The following SLIT2 variants were observed in gnomAD, a reference collection of about 807,000 sequenced individuals.
SLIT2 encodes the protein slit homolog 2 protein.
A neutral mutation model predicts 185.7 loss-of-function variants in SLIT2; 41 were observed. The ratio of observed to expected loss-of-function variants is 0.22; its 90% CI spans 0.17 to 0.29. The LOEUF is 0.29. SLIT2 is among the 10% of genes least tolerant of loss of function. The probability of loss-of-function intolerance (pLI) is 1.00; values close to 1 mark genes in which losing one functional copy is unlikely to be tolerated. For synonymous variants in SLIT2, 693 were observed against 680.2 expected, an observed-to-expected ratio of 1.02 and a Z score of -0.29; for missense variants, 1,571 against 1,909.0, an observed-to-expected ratio of 0.82 and a Z score of 3.30.
intron 4 of SLIT2, among the ~76,000 whole-genome samples, chr4:20,420,804 C>G (rs958011806): frequency 3.3e-5 from 5 of 152,010 alleles, no homozygotes; most frequent in African/African-American, 1.2e-4. Context: ...GCCAGGGGCT[C>G]TCATGATGGG....
At chr4:20,444,279 A>C (rs966371258) in intron 4 of SLIT2, among the ~76,000 whole-genome samples, 1 of 152,194 alleles carries the variant, frequency 6.6e-6, no homozygotes, top group African/African-American at 2.4e-5. Context: ...GGATAAAAAT[A>C]GGCTCATTTA....
At chr4:20,372,567 C>T (rs1444060135) in intron 4 of SLIT2, among the ~76,000 whole-genome samples, 2 of 151,910 alleles carry the variant, frequency 1.3e-5, no homozygotes, top group African/African-American at 4.8e-5. Context: ...TAACTGTGTT[C>T]TATAGCATGG....
At chr4:20,364,260 C>T (rs1284652415) in intron 4 of SLIT2, 1 of 984,916 alleles carries the variant, frequency 1.0e-6, no homozygotes, top group Non-Finnish European at 1.2e-6. Flanking sequence ...CTTTCTGCAT[C>T]CTTTCTGCCT....
intron 5 of SLIT2, among the ~76,000 whole-genome samples, chr4:20,468,965 T>C (rs769334780): frequency 3.3e-5 from 5 of 152,138 alleles, no homozygotes; most frequent in Non-Finnish European, 7.4e-5. Context: ...TGTAAATGAT[T>C]TTTTGAACTT....
chr4:20,317,692 C>A (rs1466107893), intron 4 of SLIT2, among the ~76,000 whole-genome samples: 3 of 151,992 alleles, frequency 2.0e-5, no homozygotes, highest in Non-Finnish European at 4.4e-5. Flanking sequence ...TTGTTCCTGT[C>A]AGTAACTGGT....
chr4:20,332,596 T>C (rs1239973796), intron 4 of SLIT2, among the ~76,000 whole-genome samples: 2 of 152,062 alleles, frequency 1.3e-5, no homozygotes, highest in Non-Finnish European at 2.9e-5. Context: ...GCGGGAGAAT[T>C]GCTTGAAACC....
chr4:20,603,048 C>T (rs1429935043), intron 33 of SLIT2, among the ~76,000 whole-genome samples: 1 of 152,132 alleles, frequency 6.6e-6, no homozygotes. Flanking sequence ...CCTGTTTTCA[C>T]ACTGCTGATA....
rs1266002557 is a variant in SLIT2, at chr4:20,617,516, T to C, written c.4214T>C (p.Leu1405Pro). The change falls in exon 36 of 37, where the codon CTC (leucine) becomes CCC (proline). Residue 1405 changes from leucine to proline, a missense_variant. Physicochemically the swap from Leu to Pro is moderately conservative, Grantham distance 98. This residue lies in a region of SLIT2 where 223 missense variants were observed against 245.2 expected (regional missense o/e 0.91). Transcript: ENST00000504154. Reference protein sequence around the residue: ...CKCLEGHGGVLCDEEEDLFNP... With the variant: ...CKCLEGHGGVPCDEEEDLFNP... ...TGCTTGGAGGGCCATGGAGGTGTCC[T>C]CTGTGATGAAGAGGAGGATCTGTTT... 1 of 1,614,090 alleles carries C rather than the reference T, an allele frequency of 6.2e-7. No homozygotes were observed. The highest frequency in any genetic ancestry group is 8.5e-7 in the Non-Finnish European group (1 of 1,180,002).
chr4:20,447,552 A>C (rs1711952677), intron 4 of SLIT2, among the ~76,000 whole-genome samples: 1 of 152,216 alleles, frequency 6.6e-6, no homozygotes, highest in South Asian at 2.1e-4. Context: ...TGAAGTTAAA[A>C]AGTAAGAAGT....
chr4:20,347,649 T>A (rs2109253089), intron 4 of SLIT2, among the ~76,000 whole-genome samples: 1 of 152,364 alleles, frequency 6.6e-6, no homozygotes, highest in South Asian at 2.1e-4. Flanking sequence ...TCCATCAGGC[T>A]TAGCTAAAAG....
chr4:20,538,780 TAAAA>T (rs35129347), intron 18 of SLIT2, among the ~76,000 whole-genome samples: 1 of 121,120 alleles, frequency 8.3e-6, no homozygotes, highest in Admixed American at 8.6e-5. Context: ...TGACAATGAC[TAAAA>T]AAAAAAAAAA....
intron 15 of SLIT2, among the ~76,000 whole-genome samples, chr4:20,527,881 C>T (rs1028715781): frequency 6.6e-6 from 1 of 152,048 alleles, no homozygotes; most frequent in Admixed American, 6.6e-5. Context: ...GTAAAAGTGT[C>T]TGATCTGAAA....
At chr4:20,289,028 C>T (rs1397012832) in intron 4 of SLIT2, among the ~76,000 whole-genome samples, 5 of 151,312 alleles carry the variant, frequency 3.3e-5, no homozygotes, top group Admixed American at 1.3e-4. Flanking sequence ...AGATACGTCT[C>T]TAGACTTTTG....
At chr4:20,580,212 C>T (rs1446458140) in intron 29 of SLIT2, among the ~76,000 whole-genome samples, 1 of 151,096 alleles carries the variant, frequency 6.6e-6, no homozygotes, top group Non-Finnish European at 1.5e-5. Flanking sequence ...AGATGCGCAC[C>T]ACCATACCCA....
intron 4 of SLIT2, among the ~76,000 whole-genome samples, chr4:20,386,567 A>G (rs1724953141): frequency 6.6e-6 from 1 of 152,200 alleles, no homozygotes; most frequent in South Asian, 2.1e-4. Context: ...ACCAATGTGC[A>G]AGCCTCACTT....
intron 4 of SLIT2, among the ~76,000 whole-genome samples, chr4:20,357,520 G>A (rs1722421293): frequency 6.6e-6 from 1 of 152,070 alleles, no homozygotes; most frequent in African/African-American, 2.4e-5. Flanking sequence ...CACTGTGCAT[G>A]AGTTAAATAG....
At chr4:20,562,488 TTC>T (rs1279650613) in intron 26 of SLIT2, among the ~76,000 whole-genome samples, 2 of 151,790 alleles carry the variant, frequency 1.3e-5, no homozygotes, top group Non-Finnish European at 2.9e-5. Flanking sequence ...GAAACACATA[TTC>T]TAAGACATGC....
At chr4:20,557,800 T>G (rs182325975) in intron 26 of SLIT2, among the ~76,000 whole-genome samples, 1 of 152,202 alleles carries the variant, frequency 6.6e-6, no homozygotes, top group Non-Finnish European at 1.5e-5. Flanking sequence ...TAGATGACAT[T>G]AAGAACATTT....
chr4:20,264,392 G>A (rs977123675), intron 3 of SLIT2, among the ~76,000 whole-genome samples: 6 of 151,704 alleles, frequency 4.0e-5, no homozygotes, highest in South Asian at 4.1e-4. Flanking sequence ...GACCTAGCAC[G>A]CTGCTAAAAA....
Sources: gnomAD v4.1 joint callset for allele counts (sites outside exome capture counted in the v4.1 genomes callset) on GRCh38, gnomAD v4.1.1 for gene constraint, gnomAD v4.1.1 regional missense constraint, MANE v1.5 for transcripts, NCBI Gene and HGNC (gene_info 2026-07-23, HGNC 2026-07-21) for gene names.